XKR4: variants seen among roughly 807,000 people sequenced by gnomAD.
XKR4 encodes the protein XK related 4.
XKR4 carries 12 observed loss-of-function variants against 53.9 expected under a neutral mutation model. The ratio of observed to expected loss-of-function variants is 0.22; its 90% CI spans 0.14 to 0.36. The LOEUF is 0.36. Ranked by LOEUF, XKR4 falls within the 10% of genes least tolerant of loss-of-function variation. The pLI is 1.00. For missense variants in XKR4, 799 were observed against 859.5 expected, an observed-to-expected ratio of 0.93 and a Z score of 0.88; for synonymous variants, 354 against 362.4, an observed-to-expected ratio of 0.98 and a Z score of 0.26.
intron 2 of XKR4, among the ~76,000 whole-genome samples, chr8:55,477,876 AC>A (rs1806025977): frequency 6.6e-6 from 1 of 152,242 alleles, no homozygotes; most frequent in Non-Finnish European, 1.5e-5. Context: ...AAAGAAACAA[AC>A]AAAGCCTCCA....
At chr8:55,453,917 C>A in intron 2 of XKR4, 1 of 631,832 alleles carries the variant, frequency 1.6e-6, no homozygotes, top group Non-Finnish European at 3.0e-6. Context: ...AAAGGCCATG[C>A]CCTCCAGCAC....
chr8:55,345,658 C>T (rs1000027054), intron 1 of XKR4, among the ~76,000 whole-genome samples: 4 of 152,198 alleles, frequency 2.6e-5, no homozygotes, highest in African/African-American at 9.6e-5. Context: ...GCATATTCCC[C>T]ATCTCTCTTT....
chr8:55,173,278 G>A (rs1811571), intron 1 of XKR4, among the ~76,000 whole-genome samples: 9,449 of 151,936 alleles, frequency 0.062, 953 homozygotes, highest in African/African-American at 0.21. Context: ...CATGGCACAG[G>A]GGCTCCCATC....
At chr8:55,484,982 AT>A (rs1174817898) in intron 2 of XKR4, among the ~76,000 whole-genome samples, 1 of 152,102 alleles carries the variant, frequency 6.6e-6, no homozygotes, top group Admixed American at 6.6e-5. Context: ...ATTCCTTATC[AT>A]TTCTGTTTCT....
At chr8:55,249,322 T>G (rs1292509127) in intron 1 of XKR4, among the ~76,000 whole-genome samples, 1 of 152,194 alleles carries the variant, frequency 6.6e-6, no homozygotes, top group Admixed American at 6.5e-5. Context: ...GGGGTTTATG[T>G]CTTCTCTTTT....
chr8:55,106,191 C>A (rs1816144282), intron 1 of XKR4, among the ~76,000 whole-genome samples: 1 of 152,096 alleles, frequency 6.6e-6, no homozygotes, highest in Admixed American at 6.5e-5. Flanking sequence ...AGGGAAGGAC[C>A]AGATTCTAAA....
intron 1 of XKR4, among the ~76,000 whole-genome samples, chr8:55,127,217 CATT>C (rs769365234): frequency 7.9e-4 from 119 of 150,492 alleles, no homozygotes; most frequent in Non-Finnish European, 1.5e-3. Flanking sequence ...CATTTGCTAT[CATT>C]TAAGTTTAGG....
chr8:55,353,853 C>G lies in XKR4; in HGVS notation c.807-3825C>G, dbSNP rs1410693012. Reference sequence around the variant, plus strand: ...CAGCGGTGGGAGAAAGAGATCTGCCCATGAAAGTCCCTGTAAAGTGCACGA... The same window carrying G: ...CAGCGGTGGGAGAAAGAGATCTGCCGATGAAAGTCCCTGTAAAGTGCACGA... On this transcript the variant is annotated intron_variant, in intron 1 of 2. Transcript: ENST00000327381. Among the ~76,000 whole-genome samples, 6 of 152,194 alleles carry G rather than the reference C, an allele frequency of 3.9e-5. No homozygotes were observed. In the East Asian group the frequency reaches 1.2e-3, roughly 29 times the overall value.
chr8:55,379,367 C>T (rs1804199359), intron 2 of XKR4, among the ~76,000 whole-genome samples: 1 of 152,230 alleles, frequency 6.6e-6, no homozygotes, highest in African/African-American at 2.4e-5. Context: ...AATACCTCTA[C>T]TTTTCAGGAC....
At chr8:55,241,572 C>A (rs1818211110) in intron 1 of XKR4, among the ~76,000 whole-genome samples, 1 of 152,036 alleles carries the variant, frequency 6.6e-6, no homozygotes, top group South Asian at 2.1e-4. Flanking sequence ...TTGTTTCCTG[C>A]CTAAAGGAGG....
At chr8:55,285,321 G>T (rs1240461324) in intron 1 of XKR4, among the ~76,000 whole-genome samples, 1 of 152,176 alleles carries the variant, frequency 6.6e-6, no homozygotes, top group Non-Finnish European at 1.5e-5. Context: ...TGTGAGTAGG[G>T]AGGTGCAAGA....
chr8:55,312,856 C>T (rs1460053535), intron 1 of XKR4, among the ~76,000 whole-genome samples: 1 of 152,096 alleles, frequency 6.6e-6, no homozygotes, highest in Non-Finnish European at 1.5e-5. Context: ...TCATAGATGG[C>T]GTCAAGACAA....
chr8:55,395,309 C>T (rs778534251), intron 2 of XKR4, among the ~76,000 whole-genome samples: 4 of 151,886 alleles, frequency 2.6e-5, no homozygotes, highest in African/African-American at 7.3e-5. Flanking sequence ...TCGGGGCTCA[C>T]GCTGCATTCC....
chr8:55,362,817 C>T (rs1803924208), intron 2 of XKR4, among the ~76,000 whole-genome samples: 1 of 152,212 alleles, frequency 6.6e-6, no homozygotes, highest in South Asian at 2.1e-4. Flanking sequence ...CCACAGCCTT[C>T]CTCAGCAATA....
chr8:55,470,661 G>A (rs148411591), intron 2 of XKR4, among the ~76,000 whole-genome samples: 1,759 of 152,258 alleles, frequency 0.012, 24 homozygotes, highest in Middle Eastern at 0.027. Context: ...CAAGCCCCCA[G>A]TTGTGAAGGG....
chr8:55,354,362 C>T (rs1803768299), intron 1 of XKR4, among the ~76,000 whole-genome samples: 1 of 152,160 alleles, frequency 6.6e-6, no homozygotes, highest in Non-Finnish European at 1.5e-5. Context: ...AAACTGAAGG[C>T]CTTTCCCAAA....
chr8:55,330,545 C>T (rs2979063), intron 1 of XKR4, among the ~76,000 whole-genome samples: 28,458 of 152,044 alleles, frequency 0.19, 2,723 homozygotes, highest in Non-Finnish European at 0.21. Flanking sequence ...AAATTAATTA[C>T]CTTTAAATCC....
At chr8:55,341,262 G>A (rs569591182) in intron 1 of XKR4, among the ~76,000 whole-genome samples, 132 of 152,320 alleles carry the variant, frequency 8.7e-4, no homozygotes, top group South Asian at 1.5e-3. Context: ...GGACTCCTCT[G>A]TGAGGCAGTG....
At chr8:55,448,095 G>A (rs1018575260) in intron 2 of XKR4, among the ~76,000 whole-genome samples, 7 of 152,198 alleles carry the variant, frequency 4.6e-5, no homozygotes, top group Non-Finnish European at 8.8e-5. Flanking sequence ...GAACAGCCAA[G>A]CTTGTACAAT....
Sources: allele counts gnomAD v4.1 joint callset (sites outside exome capture counted in the v4.1 genomes callset), GRCh38; gene constraint gnomAD v4.1.1; transcripts MANE v1.5; gene names NCBI Gene and HGNC (gene_info 2026-07-23, HGNC 2026-07-21).